The following NFIL3 variants were observed in gnomAD, a reference collection of about 807,000 sequenced individuals.
NFIL3 encodes nuclear factor, interleukin 3 regulated.
Under a neutral mutation model 10.0 loss-of-function variants are expected in NFIL3, and 5 were observed. The observed-to-expected ratio is 0.50, with a 90% CI of 0.26 to 1.06. NFIL3 has a LOEUF of 1.06. Ranked by LOEUF, NFIL3 falls within the 50% of genes least tolerant of loss-of-function variation. The probability of loss-of-function intolerance (pLI) is 0.13; values close to 1 mark genes in which losing one functional copy is unlikely to be tolerated. For missense variants in NFIL3, 436 were observed against 547.6 expected, an observed-to-expected ratio of 0.80 and a Z score of 2.03; for synonymous variants, 202 against 206.5, an observed-to-expected ratio of 0.98 and a Z score of 0.19.
At chr9:91,464,750 T>C in the NFIL3 span, among the ~76,000 whole-genome samples, 2 of 152,204 alleles carry the variant, frequency 1.3e-5, no homozygotes, top group South Asian at 4.1e-4. Context: ...TTTATCTCTG[T>C]TTCAACTTTG....
At chr9:91,444,554 C>T in the NFIL3 span, among the ~76,000 whole-genome samples, 15 of 152,118 alleles carry the variant, frequency 9.9e-5, no homozygotes, top group African/African-American at 3.6e-4. Flanking sequence ...GAGCAGTCAC[C>T]TCTCTCAAAC....
intron 1 of NFIL3, among the ~76,000 whole-genome samples, chr9:91,414,445 T>C (rs912502910): frequency 2.6e-5 from 4 of 152,304 alleles, no homozygotes; most frequent in Non-Finnish European, 4.4e-5. Flanking sequence ...GGAAACTCCA[T>C]GGGGTTTCTC....
chr9:91,444,249 C>G, the NFIL3 span, among the ~76,000 whole-genome samples: 5 of 151,696 alleles, frequency 3.3e-5, no homozygotes, highest in African/African-American at 1.2e-4. Context: ...TGATCAAATT[C>G]TTTAATTCTA....
At chr9:91,473,996 G>A in the NFIL3 span, among the ~76,000 whole-genome samples, 2 of 152,008 alleles carry the variant, frequency 1.3e-5, no homozygotes, top group African/African-American at 4.8e-5. Context: ...AATAGGAGTG[G>A]TGAGAGGGAT....
the NFIL3 span, among the ~76,000 whole-genome samples, chr9:91,451,138 T>C: frequency 6.6e-6 from 1 of 152,236 alleles, no homozygotes. Context: ...TTACCTTCTT[T>C]CCACTCTTCC....
At chr9:91,460,695 G>C in the NFIL3 span, among the ~76,000 whole-genome samples, 1 of 152,144 alleles carries the variant, frequency 6.6e-6, no homozygotes, top group African/African-American at 2.4e-5. Flanking sequence ...CCCTGGGGGA[G>C]TTCTGCAAAG....
chr9:91,446,798 C>CTT, the NFIL3 span, among the ~76,000 whole-genome samples: 2 of 150,824 alleles, frequency 1.3e-5, no homozygotes, highest in African/African-American at 2.4e-5. Flanking sequence ...CCCTTTCTCT[C>CTT]TCTCTCTCTC....
At chr9:91,424,613 C>T (rs1227543867), upstream of NFIL3, among the ~76,000 whole-genome samples, 1 of 152,234 alleles carries the variant, frequency 6.6e-6, no homozygotes, top group African/African-American at 2.4e-5. Flanking sequence ...ACAAACACCG[C>T]CCCCTGCACA....
chr9:91,461,178 C>A, the NFIL3 span, among the ~76,000 whole-genome samples: 1 of 152,300 alleles, frequency 6.6e-6, no homozygotes, highest in East Asian at 1.9e-4. Context: ...TAGAGCCAAC[C>A]AACCCCATCT....
At chr9:91,474,383 G>A in the NFIL3 span, among the ~76,000 whole-genome samples, 3 of 152,030 alleles carry the variant, frequency 2.0e-5, no homozygotes, top group Non-Finnish European at 4.4e-5. Context: ...CTAGGCTAAC[G>A]AGAGATATTG....
the NFIL3 span, among the ~76,000 whole-genome samples, chr9:91,480,566 C>T: frequency 2.0e-5 from 3 of 151,810 alleles, no homozygotes; most frequent in Non-Finnish European, 4.4e-5. Flanking sequence ...ATATAAAAAA[C>T]AACAACAACA....
chr9:91,453,502 C>T, the NFIL3 span, among the ~76,000 whole-genome samples: 6 of 152,032 alleles, frequency 3.9e-5, no homozygotes, highest in Admixed American at 1.3e-4. Flanking sequence ...AACTTTATTT[C>T]GGAGAGACAT....
At chr9:91,478,746 CT>C in the NFIL3 span, among the ~76,000 whole-genome samples, 1 of 152,114 alleles carries the variant, frequency 6.6e-6, no homozygotes, top group Non-Finnish European at 1.5e-5. Context: ...AATTTTCAGC[CT>C]TTTTGCACTG....
chr9:91,471,314 A>G, the NFIL3 span, among the ~76,000 whole-genome samples: 1 of 149,848 alleles, frequency 6.7e-6, no homozygotes, highest in Admixed American at 6.6e-5. Flanking sequence ...AGTCTGTTTT[A>G]TCAGAGACTA....
upstream of NFIL3, chr9:91,424,000 C>T (rs979518178): frequency 6.8e-6 from 1 of 147,820 alleles, no homozygotes; most frequent in Non-Finnish European, 1.5e-5. Context: ...CCCGCCTCCC[C>T]GCCCTCAGCT....
At chr9:91,482,458 GAT>G in the NFIL3 span, among the ~76,000 whole-genome samples, 9 of 152,012 alleles carry the variant, frequency 5.9e-5, no homozygotes, top group African/African-American at 2.2e-4. Context: ...TGATGATGAT[GAT>G]GATGGTGATT....
the NFIL3 span, among the ~76,000 whole-genome samples, chr9:91,473,173 T>G: frequency 1.3e-5 from 2 of 152,172 alleles, no homozygotes; most frequent in African/African-American, 4.8e-5. Flanking sequence ...TCAGGCTACT[T>G]GAGGAGGCAG....
chr9:91,424,402 C>T (rs940440203), upstream of NFIL3, among the ~76,000 whole-genome samples: 1 of 152,230 alleles, frequency 6.6e-6, no homozygotes, highest in African/African-American at 2.4e-5. Flanking sequence ...CGAGAGGAGC[C>T]CTCTACCTTG....
the NFIL3 span, among the ~76,000 whole-genome samples, chr9:91,447,978 AG>A: frequency 6.6e-6 from 1 of 152,216 alleles, no homozygotes; most frequent in African/African-American, 2.4e-5. Flanking sequence ...TCTCATAATT[AG>A]GCCATTGATC....
Sources: allele counts gnomAD v4.1 joint callset (sites outside exome capture counted in the v4.1 genomes callset), GRCh38; gene constraint gnomAD v4.1.1; transcripts MANE v1.5; gene names NCBI Gene and HGNC (gene_info 2026-07-23, HGNC 2026-07-21).